The following GHR variants were observed in gnomAD, a reference collection of about 807,000 sequenced individuals.
GHR encodes growth hormone receptor.
A neutral mutation model predicts 67.1 loss-of-function variants in GHR; 35 were observed. That is an observed-to-expected ratio of 0.52 (90% confidence interval 0.40 to 0.69). The LOEUF (loss-of-function observed/expected upper bound fraction) is 0.69. GHR is among the 30% of genes least tolerant of loss of function. The pLI is 0.00. For missense variants in GHR, 792 were observed against 764.6 expected (o/e 1.04, Z -0.42); for synonymous variants, 272 against 269.1 (o/e 1.01, Z -0.10).
At chr5:42,701,164 A>C (rs1273563252) in intron 6 of GHR, among the ~76,000 whole-genome samples, 1 of 152,166 alleles carries the variant, frequency 6.6e-6, no homozygotes, top group Admixed American at 6.5e-5. Context: ...TATTTTATTA[A>C]CTATGTTGAA....
At chr5:42,700,825 C>G (rs1300273592) in intron 6 of GHR, among the ~76,000 whole-genome samples, 1 of 152,060 alleles carries the variant, frequency 6.6e-6, no homozygotes, top group East Asian at 1.9e-4. Flanking sequence ...CCAATTTTGT[C>G]ATTAGAGGAA....
intron 2 of GHR, among the ~76,000 whole-genome samples, chr5:42,592,903 G>A (rs904854449): frequency 1.3e-5 from 2 of 152,110 alleles, no homozygotes; most frequent in South Asian, 4.1e-4. Context: ...GCCAGCATCT[G>A]TTATTTTTTT....
At chr5:42,718,377 C>G in intron 9 of GHR, 76 bp from the exon 10 acceptor site, 1 of 1,112,088 alleles carries the variant, frequency 9.0e-7, no homozygotes, top group Non-Finnish European at 1.4e-6. Context: ...TAATTAATCT[C>G]TGAACATTAT....
intron 1 of GHR, among the ~76,000 whole-genome samples, chr5:42,495,013 T>C (rs1746261621): frequency 6.6e-6 from 1 of 152,030 alleles, no homozygotes; most frequent in Non-Finnish European, 1.5e-5. Flanking sequence ...TGAGGCAACA[T>C]GCTAGCCTCC....
intron 2 of GHR, among the ~76,000 whole-genome samples, chr5:42,626,204 C>T (rs13360866): frequency 1.3e-3 from 199 of 152,288 alleles, no homozygotes; most frequent in African/African-American, 4.5e-3. Flanking sequence ...ACCTATCTAC[C>T]TGGAAATAGC....
chr5:42,532,785 A>G (rs138819561), intron 1 of GHR, among the ~76,000 whole-genome samples: 25 of 152,206 alleles, frequency 1.6e-4, no homozygotes, highest in East Asian at 5.8e-4. Flanking sequence ...TCATTTTTTA[A>G]TTGCCATATA....
At chr5:42,558,524 T>C (rs1245713080) in intron 1 of GHR, among the ~76,000 whole-genome samples, 2 of 152,234 alleles carry the variant, frequency 1.3e-5, no homozygotes, top group Non-Finnish European at 2.9e-5. Flanking sequence ...TTTTCAATGA[T>C]GGACTGGTCC....
At chr5:42,444,198 T>A (rs2111969306) in intron 1 of GHR, among the ~76,000 whole-genome samples, 1 of 152,312 alleles carries the variant, frequency 6.6e-6, no homozygotes, top group East Asian at 1.9e-4. Context: ...AGTTTGGTTT[T>A]CTTTAGGATG....
chr5:42,468,740 C>T, intron 1 of GHR: 2 of 1,018,776 alleles, frequency 2.0e-6, no homozygotes, highest in South Asian at 1.3e-5. Context: ...ACGCCGCCCC[C>T]GCCAGCTTCT....
chr5:42,434,701 T>C (rs1200755919), intron 1 of GHR, among the ~76,000 whole-genome samples: 5 of 152,198 alleles, frequency 3.3e-5, no homozygotes, highest in Non-Finnish European at 7.3e-5. Context: ...AGGATGATAG[T>C]TAGCTATGTT....
intron 2 of GHR, among the ~76,000 whole-genome samples, chr5:42,619,252 A>G (rs1368889824): frequency 6.6e-6 from 1 of 151,984 alleles, no homozygotes; most frequent in Non-Finnish European, 1.5e-5. Flanking sequence ...ACCCTGCAAC[A>G]TCTGGCCTCT....
At chr5:42,540,371 TTATC>T (rs1268082025) in intron 1 of GHR, among the ~76,000 whole-genome samples, 1 of 152,280 alleles carries the variant, frequency 6.6e-6, no homozygotes, top group East Asian at 1.9e-4. Flanking sequence ...AATATAGTAA[TTATC>T]TAGGAATAAG....
At chr5:42,584,310 A>G (rs1472803618) in intron 2 of GHR, among the ~76,000 whole-genome samples, 1 of 152,180 alleles carries the variant, frequency 6.6e-6, no homozygotes, top group Non-Finnish European at 1.5e-5. Context: ...GTGTCTCTGC[A>G]TAATCTCCAA....
intron 1 of GHR, among the ~76,000 whole-genome samples, chr5:42,494,923 C>T (rs1009735357): frequency 2.0e-5 from 3 of 151,966 alleles, no homozygotes; most frequent in Non-Finnish European, 2.9e-5. Flanking sequence ...AATTAAATTT[C>T]CAATTTAGCA....
Position 42,477,135 on chromosome 5 carries a change from TG to T in GHR, c.-12+53182del, listed in dbSNP as rs1380792564. Among the ~76,000 whole-genome samples, 4 of 150,714 alleles carry T rather than the reference TG, an allele frequency of 2.7e-5. No individual in the cohort carries two copies. The East Asian group carries it at 7.9e-4, about 30-fold the overall frequency. On this transcript the variant is annotated intron_variant, in intron 1 of 9. Coordinates refer to ENST00000230882, the MANE Select transcript of GHR (RefSeq NM_000163.5). ...CCTATGAGTGAGAACATGCGGTGTT[TG>T]GTTTTTTTTCCTTGCGATACTTTGC...
chr5:42,513,292 T>C (rs1367079053), intron 1 of GHR, among the ~76,000 whole-genome samples: 1 of 152,204 alleles, frequency 6.6e-6, no homozygotes, highest in Admixed American at 6.5e-5. Context: ...CCTAGGGCTA[T>C]AATAGGAAAT....
chr5:42,670,768 T>C (rs1358637101), intron 3 of GHR, among the ~76,000 whole-genome samples: 1 of 151,014 alleles, frequency 6.6e-6, no homozygotes, highest in Non-Finnish European at 1.5e-5. Flanking sequence ...TGCACCAGCA[T>C]GGCACATGTA....
At chr5:42,569,995 G>A (rs1424643071) in intron 2 of GHR, among the ~76,000 whole-genome samples, 1 of 152,126 alleles carries the variant, frequency 6.6e-6, no homozygotes, top group Non-Finnish European at 1.5e-5. Flanking sequence ...TTACTTGAAA[G>A]GAAAGACACC....
intron 3 of GHR, among the ~76,000 whole-genome samples, chr5:42,678,992 TA>T (rs1171900077): frequency 6.8e-6 from 1 of 146,782 alleles, no homozygotes. Flanking sequence ...ATAATATAAT[TA>T]ATATGAATTA....
Sources: allele counts gnomAD v4.1 joint callset (sites outside exome capture counted in the v4.1 genomes callset), GRCh38; gene constraint gnomAD v4.1.1; transcripts MANE v1.5; gene names NCBI Gene and HGNC (gene_info 2026-07-23, HGNC 2026-07-21).